GLIS3: variants seen among roughly 807,000 people sequenced by gnomAD.
The protein encoded by GLIS3 is GLIS family zinc finger 3, also known as zinc finger protein GLIS3.
In GLIS3, 53 loss-of-function variants were observed where a neutral mutation model predicts 78.6. That is an observed-to-expected ratio of 0.67 (90% CI 0.54 to 0.85). GLIS3 has a LOEUF of 0.85. Ranked by LOEUF, GLIS3 falls within the 40% of genes least tolerant of loss-of-function variation. The pLI is 0.00. For synonymous variants in GLIS3, 684 were observed against 509.9 expected (o/e 1.34, Z -4.60); for missense variants, 1,703 against 1,231.1 (o/e 1.38, Z -5.74).
At chr9:4,366,189 C>G in the GLIS3 span, among the ~76,000 whole-genome samples, 1 of 152,196 alleles carries the variant, frequency 6.6e-6, no homozygotes, top group Non-Finnish European at 1.5e-5. Context: ...TCTATCCTAT[C>G]CTTATGGCTG....
intron 7 of GLIS3, among the ~76,000 whole-genome samples, chr9:3,887,330 T>G (rs1172435487): frequency 1.3e-5 from 2 of 152,154 alleles, no homozygotes; most frequent in African/African-American, 4.8e-5. Flanking sequence ...GGAAACATAT[T>G]CATGTCACCT....
At chr9:4,370,267 G>C in the GLIS3 span, among the ~76,000 whole-genome samples, 1 of 151,874 alleles carries the variant, frequency 6.6e-6, no homozygotes, top group African/African-American at 2.4e-5. Context: ...TGGATCAGTG[G>C]GGCCCTCCCC....
At chr9:4,294,969 C>G (rs573666001) in intron 1 of GLIS3, among the ~76,000 whole-genome samples, 1 of 152,316 alleles carries the variant, frequency 6.6e-6, no homozygotes, top group Admixed American at 6.5e-5. Flanking sequence ...TGACCATAAT[C>G]ATGAATCCCA....
chr9:4,293,368 T>A lies in GLIS3; in HGVS notation c.-99+6053A>T, dbSNP rs141314803. Among the ~76,000 whole-genome samples the A allele has an allele frequency of 1.8e-3, 280 of 152,372 alleles. 2 individuals are homozygous for A. The highest frequency in any genetic ancestry group is 6.8e-3 in the Middle Eastern group (2 of 294). On this transcript the variant is annotated intron_variant, in intron 1 of 10. Transcript: ENST00000381971. ...ATAGTTATTGCTTAAAAGTGACCGA[T>A]GTAACTATTTCTGGCTGTTGGTAGA... is the stretch of plus-strand genomic sequence containing the variant.
chr9:4,462,614 C>G, the GLIS3 span, among the ~76,000 whole-genome samples: 1 of 149,972 alleles, frequency 6.7e-6, no homozygotes, highest in African/African-American at 2.5e-5. Context: ...CACACACACA[C>G]ACACACACAC....
In GLIS3 at chr9:4,101,208, C is replaced by A. The variant is rs556921014; in HGVS notation, c.1710+16560G>T. The stretch of plus-strand genomic sequence containing the variant: ...AAATGGAAATAAAAATTGCAACCAT[C>A]TTTTCTACTGCAACGGATTACTGTG... On this transcript the variant is annotated intron_variant, in intron 4 of 10. Coordinates refer to ENST00000381971, the MANE Select transcript of GLIS3 (RefSeq NM_001042413.2). Among the ~76,000 whole-genome samples the A allele has an allele frequency of 1.1e-4, 16 of 152,296 alleles. No homozygotes were observed. In the South Asian group the frequency reaches 2.7e-3, roughly 26 times the overall value.
chr9:4,254,837 C>G (rs146839339), intron 2 of GLIS3, among the ~76,000 whole-genome samples: 45 of 140,232 alleles, frequency 3.2e-4, no homozygotes, highest in African/African-American at 1.1e-3. Flanking sequence ...AAGACTACGT[C>G]TCAAAAAAAA....
chr9:4,178,745 A>C (rs1817018283), intron 2 of GLIS3, among the ~76,000 whole-genome samples: 1 of 152,252 alleles, frequency 6.6e-6, no homozygotes, highest in African/African-American at 2.4e-5. Context: ...TAGGTTGATC[A>C]GAAGTCTTTC....
chr9:4,418,653 C>T, the GLIS3 span, among the ~76,000 whole-genome samples: 1 of 151,974 alleles, frequency 6.6e-6, no homozygotes, highest in African/African-American at 2.4e-5. Flanking sequence ...GAGCCGAGAT[C>T]ACGCCACTGC....
At chr9:4,352,142 T>A (rs1041872123), upstream of GLIS3, among the ~76,000 whole-genome samples, 2 of 152,222 alleles carry the variant, frequency 1.3e-5, no homozygotes, top group African/African-American at 4.8e-5. Context: ...AGGAAGCTTG[T>A]CTCAATCCAT....
At chr9:4,418,766 T>G in the GLIS3 span, among the ~76,000 whole-genome samples, 1 of 152,170 alleles carries the variant, frequency 6.6e-6, no homozygotes, top group East Asian at 1.9e-4. Context: ...AGGAAAAATC[T>G]TCATGAAAAA....
intron 6 of GLIS3, among the ~76,000 whole-genome samples, chr9:3,921,546 A>G (rs1824887822): frequency 6.6e-6 from 1 of 152,250 alleles, no homozygotes; most frequent in South Asian, 2.1e-4. Context: ...GAGTTTAAAC[A>G]AAATAGTGGA....
the GLIS3 span, among the ~76,000 whole-genome samples, chr9:4,438,891 A>G: frequency 7.9e-5 from 12 of 152,290 alleles, 1 homozygote; most frequent in East Asian, 2.3e-3. Context: ...ACCTAGTCCT[A>G]GGTATGTCTT....
At chr9:4,275,907 C>T (rs1173208254) in intron 2 of GLIS3, among the ~76,000 whole-genome samples, 1 of 152,190 alleles carries the variant, frequency 6.6e-6, no homozygotes, top group African/African-American at 2.4e-5. Context: ...AATCAAATCA[C>T]ATGAGATAAT....
chr9:3,859,431 C>A (rs1056887730), intron 8 of GLIS3, among the ~76,000 whole-genome samples: 1 of 151,428 alleles, frequency 6.6e-6, no homozygotes, highest in Admixed American at 6.6e-5. Flanking sequence ...AATATTCTGT[C>A]CCCAAAAGTT....
At chr9:4,114,634 G>C (rs993992148) in intron 4 of GLIS3, among the ~76,000 whole-genome samples, 1 of 152,184 alleles carries the variant, frequency 6.6e-6, no homozygotes, top group African/African-American at 2.4e-5. Context: ...AGTGAATGGA[G>C]TCGGGTATTT....
At chr9:4,291,303 C>G (rs141955726) in intron 1 of GLIS3, among the ~76,000 whole-genome samples, 293 of 152,222 alleles carry the variant, frequency 1.9e-3, no homozygotes, top group African/African-American at 6.9e-3. Context: ...AGGGATTCTT[C>G]AAGACCATTC....
At chr9:4,247,943 T>C (rs1563826539) in intron 2 of GLIS3, among the ~76,000 whole-genome samples, 1 of 152,192 alleles carries the variant, frequency 6.6e-6, no homozygotes, top group Non-Finnish European at 1.5e-5. Flanking sequence ...ATATACAACA[T>C]ATTATTGATT....
chr9:3,922,862 T>G (rs1011993031), intron 6 of GLIS3, among the ~76,000 whole-genome samples: 85 of 152,018 alleles, frequency 5.6e-4, no homozygotes, highest in Non-Finnish European at 1.0e-3. Context: ...AACTTTATGG[T>G]TGGAAAGATT....
Sources: allele counts gnomAD v4.1 joint callset (sites outside exome capture counted in the v4.1 genomes callset), GRCh38; gene constraint gnomAD v4.1.1; transcripts MANE v1.5; gene names NCBI Gene and HGNC (gene_info 2026-07-23, HGNC 2026-07-21).